AKT3: variants seen among roughly 807,000 people sequenced by gnomAD.
AKT3 encodes the protein AKT serine/threonine kinase 3.
In AKT3, 15 loss-of-function variants were observed where a neutral mutation model predicts 65.3. That is an observed-to-expected ratio of 0.23 (90% CI 0.15 to 0.35). The LOEUF is 0.35. AKT3 is among the 10% of genes least tolerant of loss of function. The pLI is 1.00. For missense variants in AKT3, 243 were observed against 576.5 expected (o/e 0.42, Z 5.92); for synonymous variants, 206 against 183.8 (o/e 1.12, Z -0.98).
At chr1:243,555,532 A>G (rs967566186) in intron 10 of AKT3, among the ~76,000 whole-genome samples, 8 of 152,162 alleles carry the variant, frequency 5.3e-5, no homozygotes, top group African/African-American at 1.9e-4. Context: ...CTCTACTCAA[A>G]GCACTTATTA....
chr1:243,676,309 T>C (rs1419597990), intron 3 of AKT3, among the ~76,000 whole-genome samples: 1 of 152,122 alleles, frequency 6.6e-6, no homozygotes, highest in African/African-American at 2.4e-5. Flanking sequence ...ACAGATGGAT[T>C]TGTGAAACAG....
At position 243,827,036 on chromosome 1, in the gene AKT3, A is replaced by G. The variant is rs1230555813; in HGVS notation, c.46+16089T>C. On this transcript the variant is annotated intron_variant, in intron 2 of 13. Coordinates refer to ENST00000673466, the MANE Select transcript of AKT3 (RefSeq NM_005465.7). ...GAAATTTTACAAAATACAAAATAAT[A>G]TAAGGAAGGAAAAAACTCAATACCC... 3.8e-5 allele frequency among the ~76,000 whole-genome samples: 4 copies of G among 104,884 alleles called. No individual in the cohort carries two copies. The Admixed American group carries it at 4.2e-4, about 11-fold the overall frequency. 68.8% of individuals were successfully genotyped at this position (104,884 alleles called of 152,430 possible).
chr1:243,726,252 A>T (rs1245368508), intron 2 of AKT3, among the ~76,000 whole-genome samples: 3 of 152,222 alleles, frequency 2.0e-5, no homozygotes, highest in African/African-American at 7.2e-5. Context: ...AGATAATATC[A>T]GAACAAGACT....
intron 8 of AKT3, among the ~76,000 whole-genome samples, chr1:243,597,894 T>C (rs1676736258): frequency 6.6e-6 from 1 of 151,826 alleles, no homozygotes; most frequent in African/African-American, 2.4e-5. Context: ...CAATAAGAAC[T>C]TTTTTGACAG....
chr1:243,661,292 A>G (rs1318873103), intron 4 of AKT3, among the ~76,000 whole-genome samples: 1 of 152,206 alleles, frequency 6.6e-6, no homozygotes, highest in Admixed American at 6.5e-5. Flanking sequence ...GCATCATGCT[A>G]CCTGACTTCA....
At chr1:243,845,987 G>C (rs528432217) in intron 1 of AKT3, among the ~76,000 whole-genome samples, 1 of 152,168 alleles carries the variant, frequency 6.6e-6, no homozygotes, top group Non-Finnish European at 1.5e-5. Flanking sequence ...GATGAACTCT[G>C]AATAGCTTTA....
intron 8 of AKT3, among the ~76,000 whole-genome samples, chr1:243,604,823 A>G (rs1160063482): frequency 6.6e-6 from 1 of 152,242 alleles, no homozygotes; most frequent in Non-Finnish European, 1.5e-5. Context: ...TCTGAGGTCT[A>G]GCCCACAGAA....
rs1433018011 is a variant in AKT3, at chr1:243,501,112, G to GACTC, written c.*4133_*4136dup. 2 of 231,208 alleles carry GACTC rather than the reference G, an allele frequency of 8.7e-6. No homozygotes were observed. Among genetic ancestry groups the GACTC allele is most frequent in the African/African-American group, 4.4e-5 (2 of 45,210 alleles). 14.3% of individuals were successfully genotyped at this position (231,208 alleles called of 1,614,324 possible). A position where few individuals can be genotyped will look rare whatever the true frequency, so the allele number is the denominator to read the frequency against. Reference sequence around the variant, plus strand: ...CCGTGTGACATACACATACATGCTTGACTCACTCTGGTCCCAAAAGCCATT... The same window carrying GACTC: ...CCGTGTGACATACACATACATGCTTGACTCACTCACTCTGGTCCCAAAAGCCATT... On this transcript the variant is annotated 3_prime_UTR_variant, in exon 14 of 14. Transcript: ENST00000673466.
intron 12 of AKT3, among the ~76,000 whole-genome samples, chr1:243,516,647 G>C (rs1303585562): frequency 2.0e-5 from 3 of 151,976 alleles, no homozygotes; most frequent in Non-Finnish European, 2.9e-5. Context: ...CAAAACTCCT[G>C]GCCTCGAGCA....
chr1:243,641,683 C>A (rs888878705), intron 5 of AKT3, among the ~76,000 whole-genome samples: 2 of 152,068 alleles, frequency 1.3e-5, no homozygotes, highest in Admixed American at 6.6e-5. Flanking sequence ...CACCTGTAAT[C>A]CCACAATTTG....
At position 243,573,000 on chromosome 1, in the gene AKT3, G is replaced by C. The variant is rs1674676132; in HGVS notation, c.745C>G (p.Arg249Gly). 1 of 1,612,680 alleles carries C rather than the reference G, an allele frequency of 6.2e-7. No homozygotes were observed. The highest frequency in any genetic ancestry group is 1.7e-5 in the Admixed American group (1 of 59,902). ...GAGACAATTTCTGCACCATAGAAACGTGTGCGGTCCTCAGAGAACACCCGC... is the reference window on the plus strand; with the variant it reads ...GAGACAATTTCTGCACCATAGAAACCTGTGCGGTCCTCAGAGAACACCCGC... ...RERVFSEDRT[R>G]FYGAEIVSAL... Residue 249 changes from arginine to glycine, a missense_variant, in exon 9 of 14, where the codon CGT (arginine) becomes GGT (glycine). This residue lies in a region of AKT3 where 61 missense variants were observed against 163.3 expected (regional missense o/e 0.37). Transcript: ENST00000673466.
rs749177047 is a variant in AKT3 at position 243,545,519 on chromosome 1, A to G, written c.1242T>C (p.Tyr414=). 2.8e-5 allele frequency: 45 copies of G among 1,607,028 alleles called. No individual in the cohort carries two copies. The highest frequency in any genetic ancestry group is 3.7e-5 in the Non-Finnish European group (44 of 1,174,116). Reference sequence around the variant, plus strand: ...CATAAAGAAATCTTACCTTTTTATCATATACATCTTGCCAGTTTACTCCAG... The same window carrying G: ...CATAAAGAAATCTTACCTTTTTATCGTATACATCTTGCCAGTTTACTCCAG... ...FFSGVNWQDV[Y]DKKLVPPFKP... Residue 414 remains tyrosine, a synonymous_variant, in exon 12 of 14, where the codon TAT becomes TAC. Transcript: ENST00000673466.
chr1:243,767,153 T>C (rs1338479970), intron 2 of AKT3, among the ~76,000 whole-genome samples: 1 of 152,236 alleles, frequency 6.6e-6, no homozygotes, highest in East Asian at 1.9e-4. Context: ...TGGGTTATAG[T>C]CACATTATGT....
chr1:243,588,211 G>C (rs1675940313), intron 8 of AKT3, among the ~76,000 whole-genome samples: 1 of 152,152 alleles, frequency 6.6e-6, no homozygotes, highest in Non-Finnish European at 1.5e-5. Flanking sequence ...GCACAGTTGA[G>C]TCTGCAGTTG....
chr1:243,791,334 C>T (rs1352252875), intron 2 of AKT3, among the ~76,000 whole-genome samples: 1 of 151,422 alleles, frequency 6.6e-6, no homozygotes, highest in Non-Finnish European at 1.5e-5. Context: ...GATAGAACCA[C>T]AGATGCAGAA....
chr1:243,835,184 T>A (rs1390055818), intron 2 of AKT3, among the ~76,000 whole-genome samples: 1 of 152,176 alleles, frequency 6.6e-6, no homozygotes, highest in Non-Finnish European at 1.5e-5. Context: ...TTCAGCAGCA[T>A]ATCTGGCCTC....
At chr1:243,792,354 A>C (rs1431897385) in intron 2 of AKT3, among the ~76,000 whole-genome samples, 1 of 152,174 alleles carries the variant, frequency 6.6e-6, no homozygotes, top group East Asian at 1.9e-4. Context: ...GCCCGACATT[A>C]TAGATAAAAG....
At chr1:243,524,965 G>T (rs1016269078) in intron 12 of AKT3, among the ~76,000 whole-genome samples, 1 of 152,102 alleles carries the variant, frequency 6.6e-6, no homozygotes, top group Non-Finnish European at 1.5e-5. Flanking sequence ...GCCATTTAGG[G>T]TAAAAATCTT....
chr1:243,810,650 G>C (rs1271493703), intron 2 of AKT3, among the ~76,000 whole-genome samples: 5 of 152,308 alleles, frequency 3.3e-5, no homozygotes, highest in Non-Finnish European at 5.9e-5. Flanking sequence ...AATAGAAAAA[G>C]AGGGAATCCT....
Sources: allele counts gnomAD v4.1 joint callset (sites outside exome capture counted in the v4.1 genomes callset), GRCh38; gene constraint gnomAD v4.1.1; regional missense constraint gnomAD v4.1.1; transcripts MANE v1.5; gene names NCBI Gene and HGNC (gene_info 2026-07-23, HGNC 2026-07-21).